PRKN: variants seen among roughly 807,000 people sequenced by gnomAD.
PRKN encodes the protein E3 ubiquitin-protein ligase parkin.
A neutral mutation model predicts 59.5 loss-of-function variants in PRKN; 56 were observed. The ratio of observed to expected loss-of-function variants is 0.94; its 90% CI spans 0.76 to 1.18. The LOEUF is 1.18. PRKN is among the 50% of genes most tolerant of loss of function. PRKN has a pLI of 0.00. For missense variants in PRKN, 657 were observed against 596.4 expected (o/e 1.10, Z -1.06); for synonymous variants, 250 against 222.1 (o/e 1.13, Z -1.12).
At chr6:161,889,636 G>A (rs57490946) in intron 6 of PRKN, among the ~76,000 whole-genome samples, 1 of 152,170 alleles carries the variant, frequency 6.6e-6, no homozygotes, top group East Asian at 1.9e-4. Context: ...TTGAATCCTG[G>A]TTATGCCGGT....
intron 4 of PRKN, among the ~76,000 whole-genome samples, chr6:162,065,466 G>A (rs1159706714): frequency 6.6e-6 from 1 of 152,070 alleles, no homozygotes; most frequent in African/African-American, 2.4e-5. Context: ...TTGAGGATGG[G>A]TCTTCTTCAC....
intron 2 of PRKN, among the ~76,000 whole-genome samples, chr6:162,310,396 G>A (rs1228614542): frequency 6.6e-6 from 1 of 152,122 alleles, no homozygotes; most frequent in African/African-American, 2.4e-5. Flanking sequence ...CGGAAGCAGA[G>A]GATGCCAGAA....
At chr6:162,150,117 C>A (rs1782203394) in intron 4 of PRKN, among the ~76,000 whole-genome samples, 1 of 152,122 alleles carries the variant, frequency 6.6e-6, no homozygotes, top group African/African-American at 2.4e-5. Context: ...TTCCCAATAC[C>A]AAACACATCC....
chr6:162,526,903 G>C (rs1257570325), intron 1 of PRKN, among the ~76,000 whole-genome samples: 3 of 152,108 alleles, frequency 2.0e-5, no homozygotes, highest in African/African-American at 7.2e-5. Flanking sequence ...AAGACACATT[G>C]AAAGATGGGT....
chr6:161,897,981 A>AAAG (rs1777719088), intron 6 of PRKN, among the ~76,000 whole-genome samples: 1 of 146,306 alleles, frequency 6.8e-6, no homozygotes, highest in South Asian at 2.2e-4. Flanking sequence ...AAAAAAAAAA[A>AAAG]AAAGTCTCCC....
At chr6:162,654,197 A>G (rs1778554348) in intron 1 of PRKN, among the ~76,000 whole-genome samples, 1 of 152,218 alleles carries the variant, frequency 6.6e-6, no homozygotes, top group African/African-American at 2.4e-5. Flanking sequence ...CACATTTGTG[A>G]CAAACTACTT....
chr6:162,008,043 A>G (rs1385080177), intron 5 of PRKN, among the ~76,000 whole-genome samples: 3 of 152,344 alleles, frequency 2.0e-5, no homozygotes, highest in East Asian at 1.9e-4. Flanking sequence ...ATGAAGTTCA[A>G]CTGAAAAAAC....
intron 4 of PRKN, among the ~76,000 whole-genome samples, chr6:162,173,405 T>C (rs1783380025): frequency 6.6e-6 from 1 of 152,234 alleles, no homozygotes. Flanking sequence ...TGTTCTTTAG[T>C]GGCTTGAGAT....
chr6:162,200,693 C>T (rs140167153), intron 4 of PRKN, among the ~76,000 whole-genome samples: 97 of 152,246 alleles, frequency 6.4e-4, no homozygotes, highest in African/African-American at 2.1e-3. Context: ...TAAGGTATAA[C>T]GTACATTTGG....
intron 6 of PRKN, among the ~76,000 whole-genome samples, chr6:161,924,906 G>T (rs9458420): frequency 6.6e-6 from 1 of 152,288 alleles, no homozygotes; most frequent in African/African-American, 2.4e-5. Flanking sequence ...AGTAAACTAG[G>T]GGAGAGAGTC....
intron 6 of PRKN, among the ~76,000 whole-genome samples, chr6:161,921,753 T>C (rs1288350646): frequency 6.6e-6 from 1 of 152,210 alleles, no homozygotes; most frequent in African/African-American, 2.4e-5. Flanking sequence ...AGCCTGTAGC[T>C]ATAGGATGGT....
intron 6 of PRKN, among the ~76,000 whole-genome samples, chr6:161,930,106 A>G (rs9355969): frequency 0.56 from 84,701 of 151,990 alleles, 23,781 homozygotes; most frequent in Middle Eastern, 0.67. Flanking sequence ...GGGTTCAGAC[A>G]GCCTGGGTTC....
chr6:162,683,806 A>C (rs2128233431), intron 1 of PRKN, among the ~76,000 whole-genome samples: 1 of 152,276 alleles, frequency 6.6e-6, no homozygotes, highest in East Asian at 1.9e-4. Context: ...ATACTTTTTA[A>C]AACTTTTTTC....
chr6:162,091,233 T>C (rs1431079306), intron 4 of PRKN, among the ~76,000 whole-genome samples: 1 of 152,170 alleles, frequency 6.6e-6, no homozygotes, highest in South Asian at 2.1e-4. Flanking sequence ...AAATGTGCTA[T>C]CTGATTAAAG....
intron 1 of PRKN, among the ~76,000 whole-genome samples, chr6:162,653,325 T>TGTGTGTGTTTGTGTGC (rs1778516827): frequency 1.9e-5 from 1 of 53,282 alleles, no homozygotes; most frequent in Non-Finnish European, 3.4e-5. Context: ...TGTTTGTGTG[T>TGTGTGTGTTTGTGTGC]GTGTGTGTTT....
intron 7 of PRKN, among the ~76,000 whole-genome samples, chr6:161,765,471 A>C (rs530363975): frequency 6.6e-6 from 1 of 152,312 alleles, no homozygotes; most frequent in East Asian, 1.9e-4. Context: ...TGGAAAATAA[A>C]GTTTGAAGTT....
chr6:161,748,818 T>C (rs141445635), intron 7 of PRKN, among the ~76,000 whole-genome samples: 35 of 152,314 alleles, frequency 2.3e-4, no homozygotes, highest in African/African-American at 8.4e-4. Context: ...TGTTGAGAAT[T>C]GAAAGTCTCC....
chr6:162,212,017 C>G (rs190295891), intron 3 of PRKN, among the ~76,000 whole-genome samples: 1 of 152,134 alleles, frequency 6.6e-6, no homozygotes, highest in African/African-American at 2.4e-5. Context: ...CTATGAATTA[C>G]ATATTGTTCT....
chr6:161,936,037 A>C (rs1779344300), intron 6 of PRKN, among the ~76,000 whole-genome samples: 1 of 152,186 alleles, frequency 6.6e-6, no homozygotes, highest in Admixed American at 6.5e-5. Context: ...GAAATTTTAA[A>C]CAAATGAGAT....
Sources: allele counts gnomAD v4.1 joint callset (sites outside exome capture counted in the v4.1 genomes callset), GRCh38; gene constraint gnomAD v4.1.1; transcripts MANE v1.5; gene names NCBI Gene and HGNC (gene_info 2026-07-23, HGNC 2026-07-21).